GRM7: variants seen among roughly 807,000 people sequenced by gnomAD.
The protein encoded by GRM7 is glutamate metabotropic receptor 7.
A neutral mutation model predicts 84.5 loss-of-function variants in GRM7; 35 were observed. The observed-to-expected ratio is 0.41, with a 90% confidence interval of 0.32 to 0.55. The LOEUF (loss-of-function observed/expected upper bound fraction) is 0.55, where lower values mean the gene tolerates loss of function less well. Among genes scored for constraint, GRM7 ranks in the 20% least tolerant of loss-of-function variants. The probability of loss-of-function intolerance (pLI) is 0.19; values close to 1 mark genes in which losing one functional copy is unlikely to be tolerated. For missense variants in GRM7, 1,003 were observed against 1,194.6 expected (o/e 0.84, Z 2.36); for synonymous variants, 487 against 455.1 (o/e 1.07, Z -0.89).
chr3:7,511,579 C>A (rs1013824811), intron 7 of GRM7, among the ~76,000 whole-genome samples: 3 of 152,208 alleles, frequency 2.0e-5, no homozygotes, highest in African/African-American at 7.2e-5. Flanking sequence ...TGGTCATACC[C>A]AGACATGCAC....
At chr3:7,616,203 T>C (rs928583609) in intron 8 of GRM7, among the ~76,000 whole-genome samples, 20 of 152,172 alleles carry the variant, frequency 1.3e-4, no homozygotes, top group African/African-American at 4.8e-4. Context: ...TAGACTTTAC[T>C]GCCGGCATCA....
At chr3:7,355,620 G>T (rs145237139) in intron 4 of GRM7, among the ~76,000 whole-genome samples, 5 of 152,178 alleles carry the variant, frequency 3.3e-5, no homozygotes, top group Non-Finnish European at 7.4e-5. Context: ...ATGACTGTGG[G>T]CCAACAAGTT....
intron 7 of GRM7, among the ~76,000 whole-genome samples, chr3:7,564,405 T>G (rs887507517): frequency 6.6e-6 from 1 of 152,140 alleles, no homozygotes; most frequent in Non-Finnish European, 1.5e-5. Flanking sequence ...CCCGTGATCA[T>G]CTGATTCCAA....
At chr3:7,506,239 T>G (rs79872175) in intron 7 of GRM7, among the ~76,000 whole-genome samples, 1,733 of 152,268 alleles carry the variant, frequency 0.011, 30 homozygotes, top group African/African-American at 0.04. Context: ...AACACCTCCT[T>G]TCTCATTTCC....
At chr3:6,892,309 A>G (rs373732916) in intron 1 of GRM7, among the ~76,000 whole-genome samples, 3 of 152,258 alleles carry the variant, frequency 2.0e-5, no homozygotes, top group Middle Eastern at 3.4e-3. Flanking sequence ...TGCCTGGGTC[A>G]GCATCCCGTA....
chr3:7,099,634 CATT>C (rs1373186696), intron 1 of GRM7, among the ~76,000 whole-genome samples: 1 of 118,044 alleles, frequency 8.5e-6, no homozygotes, highest in Non-Finnish European at 1.7e-5. Flanking sequence ...TATGTACACG[CATT>C]ATACATGTGC....
At chr3:7,038,435 T>G (rs991319148) in intron 1 of GRM7, among the ~76,000 whole-genome samples, 3 of 152,168 alleles carry the variant, frequency 2.0e-5, no homozygotes, top group Non-Finnish European at 2.9e-5. Flanking sequence ...TCAGGCAGAT[T>G]TTATCAACAG....
rs570066326 is a variant in GRM7, at chr3:7,201,788, C to T, written c.736+55120C>T. Among the ~76,000 whole-genome samples the T allele has an allele frequency of 2.0e-4, 31 of 152,252 alleles. No individual in the cohort carries two copies. In the South Asian group the frequency reaches 5.0e-3, roughly 24 times the overall value. ...TTTTCACCCTGTCTGATTTGATAAA[C>T]AGTTGATCCTTGGAAATAGGATGTG... is the stretch of plus-strand genomic sequence containing the variant. On this transcript the variant is annotated intron_variant, in intron 2 of 9. Transcript: ENST00000357716.
Position 7,138,900 on chromosome 3 carries a change from A to C in GRM7, c.520-7552A>C, listed in dbSNP as rs1467612359. On this transcript the variant is annotated intron_variant, in intron 1 of 9. Transcript: ENST00000357716. Reference sequence around the variant, plus strand: ...ACACATTTAGACTTAGCTGCTCATTAAGACCCAAAAAGATATTAAAGGCAT... The same window carrying C: ...ACACATTTAGACTTAGCTGCTCATTCAGACCCAAAAAGATATTAAAGGCAT... 6.0e-5 allele frequency among the ~76,000 whole-genome samples: 9 copies of C among 151,242 alleles called. No homozygotes were observed. The Admixed American group carries it at 6.0e-4, about 10-fold the overall frequency.
intron 7 of GRM7, among the ~76,000 whole-genome samples, chr3:7,525,910 G>T (rs1399538670): frequency 1.3e-5 from 2 of 152,140 alleles, no homozygotes; most frequent in African/African-American, 4.8e-5. Flanking sequence ...TGGCTGCATA[G>T]TATTCCATGG....
chr3:7,076,547 A>G (rs1422194677), intron 1 of GRM7, among the ~76,000 whole-genome samples: 1 of 152,124 alleles, frequency 6.6e-6, no homozygotes, highest in Admixed American at 6.5e-5. Context: ...AAGGCCTCCT[A>G]GCTATGCAGA....
At chr3:7,564,936 T>C (rs1694192530) in intron 7 of GRM7, among the ~76,000 whole-genome samples, 1 of 152,178 alleles carries the variant, frequency 6.6e-6, no homozygotes, top group Admixed American at 6.5e-5. Context: ...AATCATGTTC[T>C]GTCCTTGGCT....
chr3:7,393,604 A>G lies in GRM7; in HGVS notation c.1034-21419A>G, dbSNP rs112096105. On this transcript the variant is annotated intron_variant, in intron 4 of 9. Coordinates refer to ENST00000357716, the MANE Select transcript of GRM7 (RefSeq NM_000844.4). ...CAATGTGTTCGAAATATGAGTATCT[A>G]CTTATATTCTGGCTGTTTTCTGTGG... Among the ~76,000 whole-genome samples, 462 of 152,294 alleles carry G rather than the reference A, an allele frequency of 3.0e-3. 3 individuals carry two copies. Among genetic ancestry groups the G allele is most frequent in the African/African-American group, 0.011 (437 of 41,574 alleles).
At chr3:7,646,133 G>T (rs184945156) in intron 8 of GRM7, among the ~76,000 whole-genome samples, 37 of 152,142 alleles carry the variant, frequency 2.4e-4, no homozygotes, top group Non-Finnish European at 4.0e-4. Flanking sequence ...GGTCACGCCG[G>T]TTTTTTCCCT....
intron 8 of GRM7, among the ~76,000 whole-genome samples, chr3:7,637,423 G>A (rs973495407): frequency 5.3e-5 from 8 of 152,210 alleles, no homozygotes; most frequent in Admixed American, 2.6e-4. Context: ...AACAAATGAT[G>A]TTTTTGTTGT....
At position 7,644,148 on chromosome 3, in the gene GRM7, C is replaced by G. The variant is rs1376505032; in HGVS notation, c.2452-35901C>G. Among the ~76,000 whole-genome samples, 48 of 128,118 alleles carry G rather than the reference C, an allele frequency of 3.7e-4. 1 individual carries two copies. Among genetic ancestry groups the G allele is most frequent in the African/African-American group, 8.1e-4 (28 of 34,728 alleles). The allele number at this position is 128,118 out of a possible 152,430, so 84.1% of individuals were successfully genotyped here. A position where few individuals can be genotyped will look rare whatever the true frequency, so the allele number is the denominator to read the frequency against. Reference sequence around the variant, plus strand: ...TGTGTGTGTGTGTGTATATATATGTCTGTACGTATATATATATATGTCTGT... The same window carrying G: ...TGTGTGTGTGTGTGTATATATATGTGTGTACGTATATATATATATGTCTGT... On this transcript the variant is annotated intron_variant, in intron 8 of 9. Transcript: ENST00000357716.
chr3:7,402,909 C>G (rs1025569404), intron 4 of GRM7: 2 of 153,534 alleles, frequency 1.3e-5, no homozygotes, highest in South Asian at 2.0e-4. Flanking sequence ...TAGGTGGTGG[C>G]TGAATCTGTG....
chr3:7,462,826 G>A (rs949794549), intron 7 of GRM7, among the ~76,000 whole-genome samples: 6 of 152,092 alleles, frequency 3.9e-5, no homozygotes, highest in Non-Finnish European at 4.4e-5. Context: ...AAAAGATTAT[G>A]CTCTGGCATT....
intron 1 of GRM7, among the ~76,000 whole-genome samples, chr3:7,102,058 T>G (rs1699130576): frequency 6.6e-6 from 1 of 151,644 alleles, no homozygotes; most frequent in Admixed American, 6.6e-5. Flanking sequence ...TGTAAAATTT[T>G]TTTCTTTCAA....
Sources: allele counts gnomAD v4.1 joint callset (sites outside exome capture counted in the v4.1 genomes callset), GRCh38; gene constraint gnomAD v4.1.1; transcripts MANE v1.5; gene names NCBI Gene and HGNC (gene_info 2026-07-23, HGNC 2026-07-21).